The following ZFHX3 variants were observed in gnomAD, a reference collection of about 807,000 sequenced individuals.
The protein encoded by ZFHX3 is zinc finger homeobox protein 3.
ZFHX3 carries 42 observed loss-of-function variants against 279.1 expected under a neutral mutation model. The observed-to-expected ratio is 0.15, with a 90% CI of 0.12 to 0.19. The LOEUF (loss-of-function observed/expected upper bound fraction) is 0.19. Among genes scored for constraint, ZFHX3 ranks in the 10% least tolerant of loss-of-function variants. The pLI is 1.00. For missense variants in ZFHX3, 4,981 were observed against 4,754.0 expected (o/e 1.05, Z -1.40); for synonymous variants, 2,293 against 1,957.8 (o/e 1.17, Z -4.52).
At chr16:73,605,565 A>G (rs984509377) in intron 2 of ZFHX3, among the ~76,000 whole-genome samples, 3 of 152,162 alleles carry the variant, frequency 2.0e-5, no homozygotes, top group African/African-American at 7.2e-5. Context: ...AAATTCCTAC[A>G]GAGTCCTGTA....
intron 4 of ZFHX3, among the ~76,000 whole-genome samples, chr16:72,857,721 C>T (rs925318894): frequency 6.7e-6 from 1 of 148,326 alleles, no homozygotes; most frequent in African/African-American, 2.6e-5. Flanking sequence ...AAAACACTAA[C>T]AAAACAAACT....
chr16:73,716,137 C>T (rs2053412195), intron 1 of ZFHX3, among the ~76,000 whole-genome samples: 1 of 151,966 alleles, frequency 6.6e-6, no homozygotes, highest in African/African-American at 2.4e-5. Context: ...AGCCATGGCC[C>T]ACAAGAACCA....
rs910550721 is a variant in ZFHX3, at chr16:72,787,608, T to A, written c.10668A>T (p.Arg3556Ser). ...CGTTTCTTGCTGCTCTCGTGATTGT[T>A]CTGTGTTTGTGCAAGGCCGACTCGA... ...QHLESALHKH[R>S]TITRAARNAK... The change falls in exon 10 of 10, where the codon AGA (arginine) becomes AGT (serine). Residue 3556 changes from arginine to serine, a missense_variant. Physicochemically the swap from Arg to Ser is moderately radical, Grantham distance 110. Around this residue, in one of 7 missense-constraint regions of ZFHX3, gnomAD observed 1,034 missense variants for 786.0 expected, o/e 1.32. Coordinates refer to ENST00000268489, the MANE Select transcript of ZFHX3 (RefSeq NM_006885.4). The A allele has an allele frequency of 1.2e-6, 2 of 1,613,722 alleles. No individual in the cohort carries two copies. The highest frequency in any genetic ancestry group is 2.7e-5 in the African/African-American group (2 of 74,838).
At chr16:72,940,998 C>G (rs558385869) in intron 3 of ZFHX3, among the ~76,000 whole-genome samples, 1 of 152,234 alleles carries the variant, frequency 6.6e-6, no homozygotes, top group Non-Finnish European at 1.5e-5. Flanking sequence ...GCAATGCTCA[C>G]GTGCTGTGAA....
At chr16:72,899,592 G>A (rs899258386) in intron 3 of ZFHX3, among the ~76,000 whole-genome samples, 1 of 152,076 alleles carries the variant, frequency 6.6e-6, no homozygotes. Flanking sequence ...CCAACTCCAC[G>A]TCAAACTGTT....
intron 5 of ZFHX3, among the ~76,000 whole-genome samples, chr16:73,181,709 G>T (rs1967799914): frequency 6.6e-6 from 1 of 152,146 alleles, no homozygotes; most frequent in African/African-American, 2.4e-5. Context: ...ATTGGGAGGT[G>T]GGAGATGATC....
intron 1 of ZFHX3, among the ~76,000 whole-genome samples, chr16:73,876,422 T>C (rs766754167): frequency 1.3e-5 from 2 of 152,230 alleles, no homozygotes; most frequent in Non-Finnish European, 2.9e-5. Context: ...ATACATTTAC[T>C]TGTATTCAGA....
chr16:73,176,464 T>C (rs1405515472), intron 5 of ZFHX3, among the ~76,000 whole-genome samples: 21 of 152,202 alleles, frequency 1.4e-4, no homozygotes, highest in Non-Finnish European at 1.5e-5. Flanking sequence ...ATATTGAAGC[T>C]GAGTAACATG....
At chr16:72,876,157 T>C (rs1482065170) in intron 4 of ZFHX3, among the ~76,000 whole-genome samples, 2 of 152,190 alleles carry the variant, frequency 1.3e-5, no homozygotes, top group African/African-American at 2.4e-5. Flanking sequence ...TTCAGAGGTT[T>C]TGGCCTAAAG....
At chr16:72,878,041 C>T (rs7197875) in intron 4 of ZFHX3, among the ~76,000 whole-genome samples, 89,596 of 151,334 alleles carry the variant, frequency 0.59, 27,273 homozygotes, top group African/African-American at 0.74. Context: ...AATGAAAAAA[C>T]TAGCCAGGTG....
chr16:73,515,824 CT>C (rs935697757), intron 2 of ZFHX3, among the ~76,000 whole-genome samples: 1 of 152,180 alleles, frequency 6.6e-6, no homozygotes, highest in Non-Finnish European at 1.5e-5. Context: ...ATCTGACCAG[CT>C]GTTTAAATGC....
intron 3 of ZFHX3, among the ~76,000 whole-genome samples, chr16:72,931,113 G>A (rs922194423): frequency 6.6e-6 from 1 of 152,212 alleles, no homozygotes; most frequent in East Asian, 1.9e-4. Flanking sequence ...TGAAACGTAT[G>A]TTGCCAAAAC....
At chr16:73,432,521 C>T (rs749641294) in intron 3 of ZFHX3, among the ~76,000 whole-genome samples, 2 of 152,182 alleles carry the variant, frequency 1.3e-5, no homozygotes, top group Non-Finnish European at 2.9e-5. Context: ...GTTCTTATCC[C>T]TCCAAATCCC....
chr16:73,563,338 C>T (rs1020611157), intron 2 of ZFHX3, among the ~76,000 whole-genome samples: 3 of 151,252 alleles, frequency 2.0e-5, no homozygotes, highest in Non-Finnish European at 4.4e-5. Flanking sequence ...CCTGGGTTCA[C>T]ACCATTCTCC....
At chr16:73,399,454 T>C (rs1282782473) in intron 3 of ZFHX3, among the ~76,000 whole-genome samples, 1 of 152,162 alleles carries the variant, frequency 6.6e-6, no homozygotes, top group Non-Finnish European at 1.5e-5. Flanking sequence ...CAGCACCCCA[T>C]GATAGCAAGT....
At chr16:73,054,019 G>A (rs1965499940) in intron 1 of ZFHX3, among the ~76,000 whole-genome samples, 1 of 151,856 alleles carries the variant, frequency 6.6e-6, no homozygotes, top group Non-Finnish European at 1.5e-5. Context: ...CATGGAGGGA[G>A]GGGGGAGGAA....
chr16:73,355,270 T>C (rs574285024), intron 3 of ZFHX3, among the ~76,000 whole-genome samples: 1 of 152,330 alleles, frequency 6.6e-6, no homozygotes, highest in East Asian at 1.9e-4. Context: ...CTTATGTATG[T>C]TTTAATGCAG....
chr16:73,198,212 C>T (rs1380884041), intron 5 of ZFHX3, among the ~76,000 whole-genome samples: 1 of 152,018 alleles, frequency 6.6e-6, no homozygotes, highest in Non-Finnish European at 1.5e-5. Flanking sequence ...GTTAAGATTA[C>T]AGGTGTGAGC....
chr16:72,952,193 C>A (rs1348947879), intron 2 of ZFHX3, among the ~76,000 whole-genome samples: 1 of 152,220 alleles, frequency 6.6e-6, no homozygotes, highest in Non-Finnish European at 1.5e-5. Flanking sequence ...TGAGCTGAGA[C>A]CATGCCACTC....
Sources: allele counts gnomAD v4.1 joint callset (sites outside exome capture counted in the v4.1 genomes callset), GRCh38; gene constraint gnomAD v4.1.1; regional missense constraint gnomAD v4.1.1; transcripts MANE v1.5; gene names NCBI Gene and HGNC (gene_info 2026-07-23, HGNC 2026-07-21).